Variants in WDFY4 observed in about 807,000 individuals in gnomAD.
WDFY4 encodes the protein WDFY family member 4.
A neutral mutation model predicts 351.9 loss-of-function variants in WDFY4; 169 were observed. That is an observed-to-expected ratio of 0.48 (90% CI 0.42 to 0.55). The LOEUF (loss-of-function observed/expected upper bound fraction) is 0.55, where lower values mean the gene tolerates loss of function less well. Among genes scored for constraint, WDFY4 ranks in the 20% least tolerant of loss-of-function variants. The pLI is 0.00. For synonymous variants in WDFY4, 1,622 were observed against 1,574.6 expected (o/e 1.03, Z -0.71); for missense variants, 3,803 against 3,935.6 (o/e 0.97, Z 0.90).
chr10:48,935,226 C>T (rs2133711745), intron 47 of WDFY4: 1 of 152,434 alleles, frequency 6.6e-6, no homozygotes, highest in South Asian at 2.1e-4. Flanking sequence ...TGTCACCAGG[C>T]AACAAGAGAC....
chr10:48,726,026 C>T lies in WDFY4; in HGVS notation c.737C>T (p.Ala246Val). 6.4e-7 allele frequency: 1 copy of T among 1,551,572 alleles called. No individual in the cohort carries two copies. Among genetic ancestry groups the T allele is most frequent in the South Asian group, 1.2e-5 (1 of 84,060 alleles). ...GAACCCACCTTCTGCGTGCTAAGGG[C>T]AATCTCCAAGGCCCAGAACCTCAGC... ...WKEPTFCVLR[A>V]ISKAQNLSII... Residue 246 changes from alanine (A) to valine (V), a missense_variant, in exon 6 of 62, where the codon GCA (alanine) becomes GTA (valine). By Grantham distance (64) the Ala-to-Val change is moderately conservative (BLOSUM62 0). Coordinates refer to ENST00000325239, the MANE Select transcript of WDFY4 (RefSeq NM_001394531.1).
chr10:48,743,686 A>ATG, intron 12 of WDFY4, 138 bp downstream of exon 12: 1 of 1,023,706 alleles, frequency 9.8e-7, no homozygotes, highest in Non-Finnish European at 1.4e-6. Context: ...CAACTTCCTC[A>ATG]AATCAAGTTA....
chr10:48,686,212 G>A (rs1478098222), intron 1 of WDFY4, among the ~76,000 whole-genome samples: 2 of 151,620 alleles, frequency 1.3e-5, no homozygotes, highest in South Asian at 2.1e-4. Flanking sequence ...CAGGCGCAGT[G>A]GTTCACGCCT....
At chr10:48,785,158 C>A (rs978903444) in intron 19 of WDFY4, among the ~76,000 whole-genome samples, 2 of 152,082 alleles carry the variant, frequency 1.3e-5, no homozygotes, top group Admixed American at 6.5e-5. Context: ...TTGCGCCTGG[C>A]CTTAAACTGT....
chr10:48,808,928 T>C (rs1031988210), intron 28 of WDFY4, among the ~76,000 whole-genome samples: 2 of 152,216 alleles, frequency 1.3e-5, no homozygotes, highest in African/African-American at 4.8e-5. Flanking sequence ...AGAATAAAAA[T>C]TGTATTATGT....
At chr10:48,881,605 G>A (rs2070252258) in intron 43 of WDFY4, among the ~76,000 whole-genome samples, 2 of 152,210 alleles carry the variant, frequency 1.3e-5, no homozygotes, top group Non-Finnish European at 2.9e-5. Context: ...AAAGCACCAG[G>A]CAGGGAAGAA....
chr10:48,727,422 C>T (rs1054788514), intron 6 of WDFY4, 48 bp from the exon 7 acceptor site: 37 of 1,527,016 alleles, frequency 2.4e-5, no homozygotes, highest in African/African-American at 4.1e-5. Context: ...GGCAGGAAAG[C>T]TCTTGCTTCC....
rs1412161879 is a variant in WDFY4 at position 48,776,949 on chromosome 10, G to A, written c.3063G>A (p.Ser1021=). 5.8e-6 allele frequency: 9 copies of A among 1,552,388 alleles called. No homozygotes were observed. The highest frequency in any genetic ancestry group is 7.8e-6 in the Non-Finnish European group (9 of 1,147,134). ...CTCAGAGGGCAGCCCTGGCCCCATC[G>A]TTTGTGGAATTTGACATGTCCGTGG... ...LQPQRAALAP[S]FVEFDMSVEG... The change falls in exon 16 of 62, where the codon TCG becomes TCA. Residue 1021 remains serine (S), a synonymous_variant. Transcript: ENST00000325239.
chr10:48,735,187 G>A (rs2064615245), intron 10 of WDFY4, among the ~76,000 whole-genome samples: 1 of 152,142 alleles, frequency 6.6e-6, no homozygotes, highest in Admixed American at 6.5e-5. Flanking sequence ...TCTCCATCAA[G>A]CCATTTGAAG....
Position 48,890,584 on chromosome 10 carries a change from G to A in WDFY4, c.7173G>A (p.Thr2391=), listed in dbSNP as rs374624578. 51 of 1,551,628 alleles carry A rather than the reference G, an allele frequency of 3.3e-5. No homozygotes were observed. Among genetic ancestry groups the A allele is most frequent in the African/African-American group, 2.7e-4 (20 of 73,122 alleles). ...LQELLDKEKV[T]QKFSLVIVQG... ...CTGCCACTCTCTCCTTCCAGGTGAC[G>A]CAGAAGTTCTCCCTGGTGATTGTGC... The change falls in exon 44 of 62, where the codon ACG becomes ACA. Residue 2391 remains threonine (T), a synonymous_variant. Transcript: ENST00000325239.
chr10:48,939,771 T>C (rs1419366822), intron 47 of WDFY4, among the ~76,000 whole-genome samples: 1 of 152,262 alleles, frequency 6.6e-6, no homozygotes, highest in Admixed American at 6.5e-5. Flanking sequence ...CTGGAACTGC[T>C]GGTAATGGCG....
At position 48,705,117 on chromosome 10, in the gene WDFY4, A is replaced by G. The variant is rs73304302; in HGVS notation, c.-17-4599A>G. ...CATGTCTGAGAGTAGAATCCCCAGG[A>G]GCCAAGGTCCAGACGTGGTGTCTGT... On this transcript the variant is annotated intron_variant, in intron 1 of 61. Transcript: ENST00000325239. Among the ~76,000 whole-genome samples the G allele has an allele frequency of 7.4e-4, 112 of 152,300 alleles. 1 individual carries two copies. Among genetic ancestry groups the G allele is most frequent in the African/African-American group, 2.6e-3 (108 of 41,570 alleles).
chr10:48,800,727 TTTC>T lies in WDFY4; in HGVS notation c.4411-2556_4411-2554del, dbSNP rs1465637217. Among the ~76,000 whole-genome samples the T allele has an allele frequency of 4.0e-4, 44 of 109,558 alleles. 1 individual carries two copies. Among genetic ancestry groups the T allele is most frequent in the African/African-American group, 1.4e-3 (37 of 26,406 alleles). The allele number at this position is 109,558 out of a possible 152,430, so 71.9% of individuals were successfully genotyped here. ...CTTTCTTTCTTTCTTTCTTTCATTC[TTTC>T]TTTTTTTTTTTTTTTGTTTTGAGAT... is the stretch of plus-strand genomic sequence containing the variant. On this transcript the variant is annotated intron_variant, in intron 24 of 61. Transcript: ENST00000325239.
chr10:48,891,162 C>T (rs1478515677), intron 44 of WDFY4, among the ~76,000 whole-genome samples: 2 of 152,204 alleles, frequency 1.3e-5, no homozygotes, highest in African/African-American at 2.4e-5. Flanking sequence ...ACACTATGGT[C>T]GTGGGACAAA....
At chr10:48,838,643 C>T (rs1289611421) in intron 39 of WDFY4, among the ~76,000 whole-genome samples, 1 of 152,172 alleles carries the variant, frequency 6.6e-6, no homozygotes, top group African/African-American at 2.4e-5. Flanking sequence ...ATGTATCTAT[C>T]CATCACTTGA....
intron 8 of WDFY4, among the ~76,000 whole-genome samples, 154 bp downstream of exon 8, chr10:48,729,743 T>C (rs181935234): frequency 1.3e-5 from 2 of 152,312 alleles, no homozygotes; most frequent in East Asian, 3.9e-4. Flanking sequence ...ATATCTCCCA[T>C]GGGACTTAGT....
intron 51 of WDFY4, among the ~76,000 whole-genome samples, chr10:48,953,333 T>TCTCTCTCACACACACACA (rs771339557): frequency 1.1e-4 from 14 of 128,232 alleles, no homozygotes; most frequent in South Asian, 8.5e-4. Context: ...TCTCTCTCTC[T>TCTCTCTCACACACACACA]CACACACACA....
At chr10:48,819,506 G>T (rs189894363) in intron 32 of WDFY4, among the ~76,000 whole-genome samples, 4 of 152,288 alleles carry the variant, frequency 2.6e-5, no homozygotes, top group Non-Finnish European at 4.4e-5. Context: ...AGATGAATGC[G>T]CAGGAGAAGT....
intron 57 of WDFY4, among the ~76,000 whole-genome samples, chr10:48,970,566 G>A (rs1842294181): frequency 1.3e-5 from 2 of 152,366 alleles, no homozygotes; most frequent in African/African-American, 4.8e-5. Context: ...CCACACCTTA[G>A]CGAGAGATGC....
Sources: allele counts gnomAD v4.1 joint callset (sites outside exome capture counted in the v4.1 genomes callset), GRCh38; gene constraint gnomAD v4.1.1; transcripts MANE v1.5; gene names NCBI Gene and HGNC (gene_info 2026-07-23, HGNC 2026-07-21).